The following GRIA3 variants were observed in gnomAD, a reference collection of about 807,000 sequenced individuals.
GRIA3 encodes the protein glutamate ionotropic receptor AMPA type subunit 3.
GRIA3 carries 3 observed loss-of-function variants against 63.0 expected under a neutral mutation model. The observed-to-expected ratio is 0.05, with a 90% confidence interval of 0.02 to 0.12. GRIA3 has a LOEUF of 0.12. GRIA3 is among the 10% of genes least tolerant of loss of function. The probability of loss-of-function intolerance (pLI) is 1.00; values close to 1 mark genes in which losing one functional copy is unlikely to be tolerated. For synonymous variants in GRIA3, 274 were observed against 257.9 expected (o/e 1.06, Z -0.60); for missense variants, 347 against 700.9 (o/e 0.50, Z 5.70).
At chrX:123,452,021 G>T (rs2045735032) in intron 12 of GRIA3, among the ~76,000 whole-genome samples, 1 of 111,817 alleles carries the variant, frequency 8.9e-6, no homozygotes, top group African/African-American at 3.3e-5. Flanking sequence ...TTAAGAATTA[G>T]CAATCATGTA....
chrX:123,257,334 G>A (rs1381924946), intron 3 of GRIA3, among the ~76,000 whole-genome samples: 3 of 110,381 alleles, frequency 2.7e-5, no homozygotes, highest in Non-Finnish European at 5.7e-5. Context: ...ATAAGCCTAT[G>A]TCTGTTTTTC....
intron 3 of GRIA3, among the ~76,000 whole-genome samples, chrX:123,254,286 G>C (rs2044407322): frequency 9.0e-6 from 1 of 111,397 alleles, no homozygotes; most frequent in Non-Finnish European, 1.9e-5. Context: ...CAGAAATTAA[G>C]AGTCTGATCT....
intron 7 of GRIA3, among the ~76,000 whole-genome samples, chrX:123,400,145 T>A (rs898919497): frequency 3.6e-5 from 4 of 111,114 alleles, no homozygotes; most frequent in Non-Finnish European, 7.6e-5. Flanking sequence ...TCCCTATTCA[T>A]GACACAAATA....
intron 5 of GRIA3, among the ~76,000 whole-genome samples, chrX:123,364,289 G>T (rs1485444017): frequency 1.8e-5 from 2 of 111,573 alleles, no homozygotes; most frequent in Non-Finnish European, 3.8e-5. Flanking sequence ...TGCACAGAAG[G>T]CATGGGAAGT....
Position 123,434,567 on chromosome X carries a change from A to AT in GRIA3, c.2076+6437dup, listed in dbSNP as rs930937271. Among the ~76,000 whole-genome samples the AT allele has an allele frequency of 3.9e-4, 43 of 110,288 alleles. No individual in the cohort carries two copies. In the East Asian group the frequency reaches 4.3e-3, roughly 11 times the overall value. On this transcript the variant is annotated intron_variant, in intron 12 of 15. Coordinates refer to ENST00000620443, the MANE Select transcript of GRIA3 (RefSeq NM_007325.5). ...GACATGGCTGTTTTGATGCTGTCTT[A>AT]TTTTTTTTTAAGTCTTACTTTCCTA...
intron 2 of GRIA3, among the ~76,000 whole-genome samples, chrX:123,248,733 C>A (rs774933175): frequency 1.8e-5 from 2 of 111,565 alleles, no homozygotes; most frequent in South Asian, 7.7e-4. Context: ...TTGCAGTGAG[C>A]CGAGATCGGG....
intron 5 of GRIA3, among the ~76,000 whole-genome samples, chrX:123,394,033 GAAGA>G (rs1430150456): frequency 8.9e-6 from 1 of 112,498 alleles, no homozygotes; most frequent in Admixed American, 9.4e-5. Flanking sequence ...CAGCAAATTA[GAAGA>G]AAGTGGTGGA....
intron 1 of GRIA3, among the ~76,000 whole-genome samples, chrX:123,185,533 A>G (rs1176525879): frequency 4.6e-5 from 5 of 107,842 alleles, no homozygotes; most frequent in African/African-American, 1.7e-4. Flanking sequence ...AAAAAAAAAG[A>G]AGGCTGCCGA....
intron 2 of GRIA3, among the ~76,000 whole-genome samples, chrX:123,232,421 G>A (rs1033242686): frequency 6.3e-5 from 7 of 111,763 alleles, no homozygotes; most frequent in African/African-American, 2.3e-4. Context: ...AAAGAAAGCA[G>A]AATGGTGGTT....
At chrX:123,457,586 T>C (rs1183897100) in intron 12 of GRIA3, among the ~76,000 whole-genome samples, 1 of 112,440 alleles carries the variant, frequency 8.9e-6, no homozygotes, top group African/African-American at 3.2e-5. Flanking sequence ...GACCTCTCCT[T>C]CATTACATGT....
intron 13 of GRIA3, among the ~76,000 whole-genome samples, chrX:123,473,666 C>T (rs189255014): frequency 5.4e-5 from 6 of 111,619 alleles, no homozygotes; most frequent in East Asian, 2.8e-4. Context: ...AAAAGTTGTT[C>T]CCAAAAGATC....
chrX:123,206,937 A>G (rs1266796006), intron 2 of GRIA3, among the ~76,000 whole-genome samples: 3 of 111,536 alleles, frequency 2.7e-5, no homozygotes, highest in African/African-American at 6.5e-5. Flanking sequence ...TGGTGGCAAA[A>G]TCACTGCTAA....
chrX:123,237,860 G>A (rs969082960), intron 2 of GRIA3, among the ~76,000 whole-genome samples: 3 of 107,365 alleles, frequency 2.8e-5, no homozygotes, highest in African/African-American at 1.0e-4. Flanking sequence ...AGCAAGTTAG[G>A]TACTTTGGGA....
At chrX:123,235,045 G>T (rs2044295167) in intron 2 of GRIA3, among the ~76,000 whole-genome samples, 1 of 111,868 alleles carries the variant, frequency 8.9e-6, no homozygotes, top group African/African-American at 3.3e-5. Context: ...GAGGGAAAAG[G>T]CAAAAGTAAT....
At chrX:123,250,348 G>A (rs757766292) in intron 2 of GRIA3, among the ~76,000 whole-genome samples, 2 of 112,048 alleles carry the variant, frequency 1.8e-5, no homozygotes, top group African/African-American at 6.5e-5. Context: ...CCGAGTTCAA[G>A]GTCAATGATT....
chrX:123,225,147 GTA>G (rs2044239542), intron 2 of GRIA3, among the ~76,000 whole-genome samples: 1 of 111,861 alleles, frequency 8.9e-6, no homozygotes, highest in Non-Finnish European at 1.9e-5. Flanking sequence ...CACTTACTAG[GTA>G]TGTAATTTGG....
chrX:123,210,133 T>G (rs1260524576), intron 2 of GRIA3, among the ~76,000 whole-genome samples: 5 of 103,991 alleles, frequency 4.8e-5, no homozygotes, highest in African/African-American at 1.8e-4. Context: ...AAAAACATGC[T>G]CAAAGCTCCA....
intron 2 of GRIA3, among the ~76,000 whole-genome samples, chrX:123,227,296 G>A (rs965522560): frequency 5.4e-5 from 6 of 111,699 alleles, no homozygotes; most frequent in Non-Finnish European, 9.4e-5. Context: ...TGAGTTACTT[G>A]AGGCCTTATT....
intron 3 of GRIA3, among the ~76,000 whole-genome samples, chrX:123,307,136 C>T (rs761463424): frequency 8.9e-6 from 1 of 111,774 alleles, no homozygotes; most frequent in Non-Finnish European, 1.9e-5. Context: ...AGACAGTTTA[C>T]AAGTCTTTCA....
Sources: gnomAD v4.1 joint callset for allele counts (sites outside exome capture counted in the v4.1 genomes callset) on GRCh38, gnomAD v4.1.1 for gene constraint, MANE v1.5 for transcripts, NCBI Gene and HGNC (gene_info 2026-07-23, HGNC 2026-07-21) for gene names.